DIS3L2: variants seen among roughly 807,000 people sequenced by gnomAD.
DIS3L2 encodes the protein DIS3-like exonuclease 2.
A neutral mutation model predicts 97.5 loss-of-function variants in DIS3L2; 34 were observed. The ratio of observed to expected loss-of-function variants is 0.35; its 90% CI spans 0.27 to 0.46. DIS3L2 has a LOEUF of 0.46. Among genes scored for constraint, DIS3L2 ranks in the 20% least tolerant of loss-of-function variants. The pLI is 1.00. For synonymous variants in DIS3L2, 435 were observed against 445.2 expected, an observed-to-expected ratio of 0.98 and a Z score of 0.29; for missense variants, 1,038 against 1,146.0, an observed-to-expected ratio of 0.91 and a Z score of 1.36.
At chr2:232,264,294 C>G (rs900170382) in intron 13 of DIS3L2, among the ~76,000 whole-genome samples, 3 of 152,190 alleles carry the variant, frequency 2.0e-5, no homozygotes, top group Non-Finnish European at 4.4e-5. Flanking sequence ...CATGGCCCGG[C>G]AGTTAGGGAC....
chr2:232,191,276 C>G (rs1691611793), intron 9 of DIS3L2, among the ~76,000 whole-genome samples: 1 of 152,090 alleles, frequency 6.6e-6, no homozygotes, highest in Admixed American at 6.6e-5. Context: ...TTTTTGGACT[C>G]CTTTTTGGAA....
At chr2:232,217,127 C>G (rs952498547) in intron 10 of DIS3L2, among the ~76,000 whole-genome samples, 1 of 152,270 alleles carries the variant, frequency 6.6e-6, no homozygotes, top group East Asian at 1.9e-4. Context: ...AGGTGTGAGC[C>G]ACCGCGCCTG....
intron 1 of DIS3L2, among the ~76,000 whole-genome samples, chr2:232,008,712 A>G: frequency 6.6e-6 from 1 of 152,136 alleles, no homozygotes; most frequent in Non-Finnish European, 1.5e-5. Context: ...GAGGATCGGC[A>G]AAACTTGAAT....
rs1268735648 is a variant in DIS3L2 at position 232,136,674 on chromosome 2, T to A, written c.905T>A (p.Ile302Asn). ...AAAGATTATGCCAACACACTGTTCA[T>A]CTGCCGCATTGTGGACTGGAAGGAG... The part of the protein sequence containing the change: ...RPKDYANTLF[I>N]CRIVDWKEDC... The change falls in exon 8 of 21, where the codon ATC becomes AAC. Residue 302 changes from isoleucine (I) to asparagine (N), a missense_variant. Transcript: ENST00000325385. 1.2e-6 allele frequency: 2 copies of A among 1,613,860 alleles called. No individual in the cohort carries two copies. Among genetic ancestry groups the A allele is most frequent in the Non-Finnish European group, 1.7e-6 (2 of 1,179,942 alleles).
chr2:232,269,621 C>G lies in DIS3L2; in HGVS notation c.1659+6181C>G, dbSNP rs1236262446. The stretch of plus-strand genomic sequence containing the variant: ...CAGGGGTTCAGGGAAGATTTTCCAG[C>G]AGAAGTAGTGGGGCATTAGGCCTTC... On this transcript the variant is annotated intron_variant, in intron 13 of 20. Coordinates refer to ENST00000325385, the MANE Select transcript of DIS3L2 (RefSeq NM_152383.5). The surrounding 1 kb of genome is among the most constrained non-coding windows in gnomAD (Gnocchi z 4.5). Among the ~76,000 whole-genome samples, 3 of 152,112 alleles carry G rather than the reference C, an allele frequency of 2.0e-5. No homozygotes were observed. Among genetic ancestry groups the G allele is most frequent in the African/African-American group, 7.2e-5 (3 of 41,402 alleles).
chr2:232,333,762 G>GTA, intron 16 of DIS3L2, 78 bp from the exon 17 acceptor site: 7 of 1,452,752 alleles, frequency 4.8e-6, no homozygotes, highest in East Asian at 2.5e-5. Context: ...CGACGGTGAG[G>GTA]CTGTGGGTGG....
In DIS3L2 at chr2:232,138,532, C is replaced by T. The variant is rs189104389; in HGVS notation, c.950+1813C>T. 2.3e-4 allele frequency among the ~76,000 whole-genome samples: 35 copies of T among 151,684 alleles called. No homozygotes were observed. The East Asian group carries it at 4.8e-3, about 21-fold the overall frequency. ...TTTTCCTGATGAATTTCTCAAATGA[C>T]GTCTGTTGTATGAGGGGTGAGGGCT... On this transcript the variant is annotated intron_variant, in intron 8 of 20. Transcript: ENST00000325385.
intron 12 of DIS3L2, among the ~76,000 whole-genome samples, chr2:232,257,367 G>A (rs139010753): frequency 1.5e-3 from 234 of 152,176 alleles, no homozygotes; most frequent in Middle Eastern, 6.8e-3. Flanking sequence ...CTTCCAGCCC[G>A]TCCTCTCTCT....
At chr2:232,063,746 C>T (rs1695777648) in intron 5 of DIS3L2, among the ~76,000 whole-genome samples, 1 of 151,996 alleles carries the variant, frequency 6.6e-6, no homozygotes, top group South Asian at 2.1e-4. Context: ...TAGGGATGTG[C>T]TTTGTGGGTG....
intron 14 of DIS3L2, among the ~76,000 whole-genome samples, chr2:232,301,712 T>G (rs943442358): frequency 6.6e-6 from 1 of 152,136 alleles, no homozygotes; most frequent in African/African-American, 2.4e-5. Flanking sequence ...GGTTGAAGAG[T>G]ATTTATTCAA....
At chr2:232,043,164 C>T (rs145552135) in intron 5 of DIS3L2, among the ~76,000 whole-genome samples, 43 of 152,222 alleles carry the variant, frequency 2.8e-4, no homozygotes, top group Non-Finnish European at 4.9e-4. Context: ...TGCTCACTGC[C>T]CATCAAGATC....
Position 232,190,822 on chromosome 2 carries a change from G to C in DIS3L2, c.1125-19504G>C, listed in dbSNP as rs539359817. Among the ~76,000 whole-genome samples the C allele has an allele frequency of 2.0e-4, 30 of 152,286 alleles. No individual in the cohort carries two copies. The South Asian group carries it at 3.9e-3, about 20-fold the overall frequency. On this transcript the variant is annotated intron_variant, in intron 9 of 20. Coordinates refer to ENST00000325385, the MANE Select transcript of DIS3L2 (RefSeq NM_152383.5). ...ACTGTGAAGAGCTCCAGAATGTAAA[G>C]GGTGGAAGGAAATTTCTTAGGAAAA... is the stretch of plus-strand genomic sequence containing the variant.
At chr2:232,038,945 T>C (rs1695030047) in intron 5 of DIS3L2, among the ~76,000 whole-genome samples, 1 of 152,242 alleles carries the variant, frequency 6.6e-6, no homozygotes. Context: ...TACCTACTTC[T>C]ACAAACTGTT....
chr2:232,010,307 T>C (rs939686325), intron 1 of DIS3L2, among the ~76,000 whole-genome samples: 1 of 152,140 alleles, frequency 6.6e-6, no homozygotes, highest in Admixed American at 6.5e-5. Flanking sequence ...TGTGTCTCCC[T>C]GTCTCTGTCT....
intron 6 of DIS3L2, among the ~76,000 whole-genome samples, chr2:232,127,202 A>C (rs1477682730): frequency 3.9e-5 from 6 of 152,168 alleles, no homozygotes; most frequent in Non-Finnish European, 8.8e-5. Flanking sequence ...TCTGAGTTCC[A>C]GACCTTCATT....
rs557282669 is a variant in DIS3L2 at position 232,301,835 on chromosome 2, CTTTTTT to C, written c.1739+1734_1739+1739del. ...TGTGAGAAGAGAAAATAGCCTAGCT[CTTTTTT>C]TTTTTTTTTTTTTTTTTAATAGAAA... On this transcript the variant is annotated intron_variant, in intron 14 of 20. Coordinates refer to ENST00000325385, the MANE Select transcript of DIS3L2 (RefSeq NM_152383.5). Among the ~76,000 whole-genome samples the C allele has an allele frequency of 7.1e-3, 750 of 105,474 alleles. 4 individuals are homozygous for C. The highest frequency in any genetic ancestry group is 0.025 in the African/African-American group (689 of 27,306). 69.2% of individuals were successfully genotyped at this position (105,474 alleles called of 152,430 possible). A position where few individuals can be genotyped will look rare whatever the true frequency, so the allele number is the denominator to read the frequency against.
At chr2:232,070,412 T>G (rs1695979976) in intron 5 of DIS3L2, among the ~76,000 whole-genome samples, 1 of 152,208 alleles carries the variant, frequency 6.6e-6, no homozygotes, top group Non-Finnish European at 1.5e-5. Flanking sequence ...AATTGCCTAA[T>G]GCTCTCTGTT....
chr2:232,292,638 A>G lies in DIS3L2; in HGVS notation c.1660-7402A>G, dbSNP rs886817806. ...AGCAGGAGGCCTAGGTCCAAAGGGG[A>G]CCCAGTGGTAGTCTCATGCTCTGGC... On this transcript the variant is annotated intron_variant, in intron 13 of 20. Transcript: ENST00000325385. This position sits in a 1 kb window ranked among gnomAD's most constrained non-coding sequence, Gnocchi z 4.4. Among the ~76,000 whole-genome samples, 2 of 145,216 alleles carry G rather than the reference A, an allele frequency of 1.4e-5. No homozygotes were observed. The highest frequency in any genetic ancestry group is 5.7e-5 in the African/African-American group (2 of 34,992).
intron 12 of DIS3L2, among the ~76,000 whole-genome samples, chr2:232,250,570 GA>G (rs1381619671): frequency 2.6e-5 from 4 of 151,966 alleles, no homozygotes; most frequent in African/African-American, 9.7e-5. Flanking sequence ...GAAAGTGGGG[GA>G]GGGGTGGGGG....
Sources: gnomAD v4.1 joint callset for allele counts (sites outside exome capture counted in the v4.1 genomes callset) on GRCh38, gnomAD v4.1.1 for gene constraint, Gnocchi (gnomAD v3.1) non-coding constraint, MANE v1.5 for transcripts, NCBI Gene and HGNC (gene_info 2026-07-23, HGNC 2026-07-21) for gene names.